The following WDR33 variants were observed in gnomAD, a reference collection of about 807,000 sequenced individuals.
The protein encoded by WDR33 is WD repeat domain 33, also known as pre-mRNA 3' end processing protein WDR33.
Under a neutral mutation model 164.9 loss-of-function variants are expected in WDR33, and 47 were observed. The ratio of observed to expected loss-of-function variants is 0.29; its 90% CI spans 0.23 to 0.36. WDR33 has a LOEUF of 0.36. WDR33 is among the 10% of genes least tolerant of loss of function. The pLI is 1.00. For synonymous variants in WDR33, 505 were observed against 589.0 expected, an observed-to-expected ratio of 0.86 and a Z score of 2.06; for missense variants, 1,137 against 1,754.1, an observed-to-expected ratio of 0.65 and a Z score of 6.28.
At position 127,706,674 on chromosome 2, in the gene WDR33, G is replaced by A; in HGVS notation, c.3782-122C>T. The A allele has an allele frequency of 1.2e-6, 1 of 853,358 alleles. No individual in the cohort carries two copies. The highest frequency in any genetic ancestry group is 1.8e-5 in the South Asian group (1 of 55,140). The allele number at this position is 853,358 out of a possible 1,614,324, so 52.9% of individuals were successfully genotyped here. On this transcript the variant is annotated intron_variant, in intron 21 of 21. Coordinates refer to ENST00000322313, the MANE Select transcript of WDR33 (RefSeq NM_018383.5). This position sits in a 1 kb window ranked among gnomAD's most constrained non-coding sequence, Gnocchi z 5.1. ...GTTCTGGTGGGTGCCAGGGAGACTG[G>A]CAGTGGTATTCAGCGTACTGAGAGG...
chr2:127,728,298 T>C (rs1343267743), intron 7 of WDR33, among the ~76,000 whole-genome samples: 1 of 152,192 alleles, frequency 6.6e-6, no homozygotes, highest in Non-Finnish European at 1.5e-5. Flanking sequence ...GATTAAAATG[T>C]TCATAATTTA....
In WDR33 at chr2:127,713,913, C is replaced by A; in HGVS notation, c.2978G>T (p.Gly993Val). ...ATCAGGGGGACCCCTGCAGTCCTGG[C>A]CACCCCGGAAAGGCCCCCTCTCGGG... ...HGPERGPFRGGQDCRGPPDRR... is the reference protein window; with the variant it reads ...HGPERGPFRGVQDCRGPPDRR... Residue 993 changes from glycine to valine, a missense_variant, in exon 18 of 22, where the codon GGC (glycine) becomes GTC (valine). Physicochemically the swap from Gly to Val is moderately radical, Grantham distance 109. Transcript: ENST00000322313. This position sits in a 1 kb window ranked among gnomAD's most constrained non-coding sequence, Gnocchi z 6.2. 1 of 1,611,968 alleles carries A rather than the reference C, an allele frequency of 6.2e-7. No homozygotes were observed. Among genetic ancestry groups the A allele is most frequent in the Non-Finnish European group, 8.5e-7 (1 of 1,178,812 alleles).
chr2:127,780,244 A>G (rs1688325675), intron 1 of WDR33, among the ~76,000 whole-genome samples: 1 of 152,204 alleles, frequency 6.6e-6, no homozygotes, highest in Non-Finnish European at 1.5e-5. Context: ...AAGTGTAAAA[A>G]TAATAAAAAG....
Position 127,706,280 on chromosome 2 carries a change from T to C in WDR33, c.*43A>G, listed in dbSNP as rs778019675. The C allele has an allele frequency of 4.1e-6, 6 of 1,477,160 alleles. No individual in the cohort carries two copies. In the East Asian group the frequency reaches 1.2e-4, roughly 30 times the overall value. 91.5% of individuals were successfully genotyped at this position (1,477,160 alleles called of 1,614,324 possible). ...TCTTGGTGAGTCCACAAGAAGTTCT[T>C]ACATACTGTCCAGAGAGGCCTCAGG... On this transcript the variant is annotated 3_prime_UTR_variant, in exon 22 of 22. Coordinates refer to ENST00000322313, the MANE Select transcript of WDR33 (RefSeq NM_018383.5). The surrounding 1 kb of genome is among the most constrained non-coding windows in gnomAD (Gnocchi z 5.1).
At chr2:127,748,753 A>G (rs970927908) in intron 7 of WDR33, among the ~76,000 whole-genome samples, 4 of 151,816 alleles carry the variant, frequency 2.6e-5, no homozygotes, top group African/African-American at 7.3e-5. Flanking sequence ...AAAGTGAGTA[A>G]TATCTTTTTT....
chr2:127,758,672 T>C (rs1244014535), intron 7 of WDR33, among the ~76,000 whole-genome samples: 2 of 152,126 alleles, frequency 1.3e-5, no homozygotes, highest in Non-Finnish European at 2.9e-5. Flanking sequence ...AAAAATAAAA[T>C]ATGATGTCTC....
In WDR33 at chr2:127,790,810, A is replaced by G. The variant is rs191965564; in HGVS notation, c.-23-19806T>C. On this transcript the variant is annotated intron_variant, in intron 1 of 21. Coordinates refer to ENST00000322313, the MANE Select transcript of WDR33 (RefSeq NM_018383.5). Reference sequence around the variant, plus strand: ...TTCTTTAATAGATATAGGACTATTCAGGTTACATATTTTTTCTTGAGTGAG... The same window carrying G: ...TTCTTTAATAGATATAGGACTATTCGGGTTACATATTTTTTCTTGAGTGAG... 1.8e-4 allele frequency among the ~76,000 whole-genome samples: 28 copies of G among 152,236 alleles called. No individual in the cohort carries two copies. In the East Asian group the frequency reaches 5.0e-3, roughly 27 times the overall value.
intron 1 of WDR33, among the ~76,000 whole-genome samples, chr2:127,784,700 C>A (rs1688501195): frequency 6.6e-6 from 1 of 152,124 alleles, no homozygotes. Flanking sequence ...TATCAACAAG[C>A]TTTTTATACT....
chr2:127,789,609 C>G (rs950941404), intron 1 of WDR33, among the ~76,000 whole-genome samples: 1 of 151,180 alleles, frequency 6.6e-6, no homozygotes, highest in Non-Finnish European at 1.5e-5. Context: ...GAGAATCAGG[C>G]AGGGAGGTTG....
At chr2:127,773,485 T>C (rs552635550) in intron 1 of WDR33, among the ~76,000 whole-genome samples, 1 of 152,270 alleles carries the variant, frequency 6.6e-6, no homozygotes, top group South Asian at 2.1e-4. Flanking sequence ...AATAGTGCAA[T>C]AAAATATGCA....
chr2:127,791,829 G>C (rs1212720926), intron 1 of WDR33, among the ~76,000 whole-genome samples: 1 of 152,044 alleles, frequency 6.6e-6, no homozygotes. Context: ...ACCTACTACA[G>C]TTTGGTAGCA....
At chr2:127,801,876 T>C (rs976818560) in intron 1 of WDR33, among the ~76,000 whole-genome samples, 3 of 151,736 alleles carry the variant, frequency 2.0e-5, no homozygotes, top group Non-Finnish European at 4.4e-5. Context: ...ACAGTGAGAC[T>C]CCATCTCAAA....
chr2:127,762,852 T>A, intron 7 of WDR33: 1 of 1,371,598 alleles, frequency 7.3e-7, no homozygotes, highest in East Asian at 2.8e-5. Context: ...AATTTACAGC[T>A]GAAAAATTCA....
At chr2:127,794,426 G>T (rs539223526) in intron 1 of WDR33, among the ~76,000 whole-genome samples, 1 of 151,636 alleles carries the variant, frequency 6.6e-6, no homozygotes, top group Non-Finnish European at 1.5e-5. Flanking sequence ...CTTGAACTTG[G>T]GGGGGCAGAG....
chr2:127,729,099 T>C (rs1018084281), intron 7 of WDR33, among the ~76,000 whole-genome samples: 1 of 152,240 alleles, frequency 6.6e-6, no homozygotes, highest in African/African-American at 2.4e-5. Flanking sequence ...AACTGATTGG[T>C]CCTGATTCTT....
intron 7 of WDR33, among the ~76,000 whole-genome samples, chr2:127,743,896 T>C (rs1558933404): frequency 1.3e-5 from 2 of 152,134 alleles, no homozygotes; most frequent in Admixed American, 6.5e-5. Context: ...AAAATACATA[T>C]TATGTGAAAT....
At chr2:127,750,706 A>ATG (rs1558936975) in intron 7 of WDR33, among the ~76,000 whole-genome samples, 1 of 61,304 alleles carries the variant, frequency 1.6e-5, no homozygotes, top group African/African-American at 8.8e-5. Context: ...ATATATATAT[A>ATG]TATATATGTA....
intron 1 of WDR33, among the ~76,000 whole-genome samples, chr2:127,780,075 G>A (rs548015884): frequency 1.3e-5 from 2 of 150,986 alleles, no homozygotes; most frequent in African/African-American, 4.9e-5. Flanking sequence ...CCGGGTTCAC[G>A]CCATTCTCCT....
intron 1 of WDR33, among the ~76,000 whole-genome samples, chr2:127,787,623 G>A (rs1237690058): frequency 2.8e-4 from 22 of 79,440 alleles, no homozygotes; most frequent in African/African-American, 1.2e-3. Context: ...GGGCAGAGGC[G>A]CCCCTCACCT....
Sources: allele counts gnomAD v4.1 joint callset (sites outside exome capture counted in the v4.1 genomes callset), GRCh38; gene constraint gnomAD v4.1.1; non-coding constraint Gnocchi (gnomAD v3.1); transcripts MANE v1.5; gene names NCBI Gene and HGNC (gene_info 2026-07-23, HGNC 2026-07-21).